The following ZFR variants were observed in gnomAD, a reference collection of about 807,000 sequenced individuals.
The protein encoded by ZFR is zinc finger RNA binding protein, also known as zinc finger RNA-binding protein.
Under a neutral mutation model 130.7 loss-of-function variants are expected in ZFR, and 19 were observed. The observed-to-expected ratio is 0.15, with a 90% CI of 0.10 to 0.21. ZFR has a LOEUF of 0.21. Ranked by LOEUF, ZFR falls within the 10% of genes least tolerant of loss-of-function variation. ZFR has a pLI of 1.00. For synonymous variants in ZFR, 466 were observed against 456.9 expected (o/e 1.02, Z -0.25); for missense variants, 872 against 1,321.5 (o/e 0.66, Z 5.27).
chr5:32,383,654 G>A (rs906332830), intron 15 of ZFR: 42 of 372,114 alleles, frequency 1.1e-4, no homozygotes, highest in Middle Eastern at 3.8e-4. Flanking sequence ...TTGTTCTTCC[G>A]GCAAAGCCTT....
Position 32,420,107 on chromosome 5 carries a change from C to A in ZFR, c.138-4G>T. 1 of 1,557,336 alleles carries A rather than the reference C, an allele frequency of 6.4e-7. No homozygotes were observed. On this transcript the variant is annotated splice_region_variant and splice_polypyrimidine_tract_variant and intron_variant, in intron 2 of 19. Transcript: ENST00000265069. ...TACACCCGAAGCTGGCTGCTGGCTACATTGTGGAGTACAAGAATAAATATA... is the reference window on the plus strand; with the variant it reads ...TACACCCGAAGCTGGCTGCTGGCTAAATTGTGGAGTACAAGAATAAATATA...
intron 7 of ZFR, 25 bp downstream of exon 7, chr5:32,403,881 G>A (rs772220622): frequency 3.2e-6 from 5 of 1,549,468 alleles, no homozygotes. Flanking sequence ...CAAGGCATAA[G>A]GGTGTGTGGG....
chr5:32,416,797 T>C (rs2111815086), intron 4 of ZFR, among the ~76,000 whole-genome samples: 1 of 152,184 alleles, frequency 6.6e-6, no homozygotes, highest in East Asian at 1.9e-4. Flanking sequence ...AAAAATCACT[T>C]GCCCACATTA....
At chr5:32,385,276 G>A (rs1162076729) in intron 15 of ZFR, among the ~76,000 whole-genome samples, 1 of 151,808 alleles carries the variant, frequency 6.6e-6, no homozygotes, top group East Asian at 1.9e-4. Flanking sequence ...AGAAAAGAAA[G>A]AAATCAAGAA....
At chr5:32,356,022 C>T in intron 19 of ZFR, 83 bp from the exon 20 acceptor site, 1 of 1,128,242 alleles carries the variant, frequency 8.9e-7, no homozygotes, top group East Asian at 2.7e-5. Flanking sequence ...CCTCCAAATG[C>T]AACCTAAAAA....
chr5:32,433,155 C>T (rs1754260035), intron 2 of ZFR, among the ~76,000 whole-genome samples: 1 of 152,120 alleles, frequency 6.6e-6, no homozygotes, highest in South Asian at 2.1e-4. Context: ...TGTTAATTTT[C>T]TTGTAATCTT....
chr5:32,436,151 T>C (rs1482615708), intron 2 of ZFR, among the ~76,000 whole-genome samples: 1 of 134,026 alleles, frequency 7.5e-6, no homozygotes, highest in Middle Eastern at 3.5e-3. Context: ...TTTTTTTTTT[T>C]TTTTTTTTTT....
intron 13 of ZFR, among the ~76,000 whole-genome samples, chr5:32,387,961 G>A (rs1396036784): frequency 6.6e-6 from 1 of 152,038 alleles, no homozygotes; most frequent in Non-Finnish European, 1.5e-5. Flanking sequence ...TATTTCACAA[G>A]TCAGAATAAT....
intron 17 of ZFR, among the ~76,000 whole-genome samples, chr5:32,375,035 A>G (rs944482323): frequency 2.6e-5 from 4 of 152,214 alleles, no homozygotes; most frequent in African/African-American, 7.2e-5. Context: ...AACATAAAAA[A>G]TTTGTTTCAC....
At chr5:32,401,714 C>T (rs1279589698) in intron 8 of ZFR, among the ~76,000 whole-genome samples, 1 of 152,048 alleles carries the variant, frequency 6.6e-6, no homozygotes, top group Non-Finnish European at 1.5e-5. Flanking sequence ...GAGCAGAAGA[C>T]TAACACAATA....
chr5:32,358,063 G>A (rs1752349183), intron 19 of ZFR, among the ~76,000 whole-genome samples: 1 of 151,984 alleles, frequency 6.6e-6, no homozygotes, highest in Admixed American at 6.6e-5. Context: ...AATTCCAAAT[G>A]AAAATTAAAA....
chr5:32,420,086 C>A lies in ZFR; in HGVS notation c.155G>T (p.Gly52Val). 6.3e-7 allele frequency: 1 copy of A among 1,580,234 alleles called. No individual in the cohort carries two copies. Among genetic ancestry groups the A allele is most frequent in the Non-Finnish European group, 8.6e-7 (1 of 1,157,872 alleles). Residue 52 changes from glycine to valine, a missense_variant, in exon 3 of 20, where the codon GGT becomes GTT. This residue lies in a region of ZFR where 240 missense variants were observed against 441.2 expected (regional missense o/e 0.54). Transcript: ENST00000265069. ...TGTAGTTGGATGAGAATAGGCTACA[C>A]CCGAAGCTGGCTGCTGGCTACATTG... is the stretch of plus-strand genomic sequence containing the variant. ...AAQYSQQPAS[G>V]VAYSHPTTVA...
chr5:32,426,121 C>T (rs1295971744), intron 2 of ZFR, among the ~76,000 whole-genome samples: 1 of 152,068 alleles, frequency 6.6e-6, no homozygotes, highest in Non-Finnish European at 1.5e-5. Context: ...AGAAACCTAG[C>T]AGAAAATTGT....
At chr5:32,432,324 T>C (rs1370459441) in intron 2 of ZFR, among the ~76,000 whole-genome samples, 1 of 152,102 alleles carries the variant, frequency 6.6e-6, no homozygotes, top group African/African-American at 2.4e-5. Context: ...AAAAATTGGG[T>C]TTACTATAAT....
chr5:32,423,376 G>A (rs1014471861), intron 2 of ZFR, among the ~76,000 whole-genome samples: 10 of 151,678 alleles, frequency 6.6e-5, no homozygotes, highest in African/African-American at 1.9e-4. Flanking sequence ...AAAATGAACA[G>A]ACAACACAAA....
chr5:32,444,457 G>T, intron 1 of ZFR, 129 bp from the exon 2 acceptor site: 1 of 1,290,580 alleles, frequency 7.7e-7, no homozygotes, highest in South Asian at 1.7e-5. Context: ...CCCAGGCCGC[G>T]GCCGCGCCGC....
intron 5 of ZFR, among the ~76,000 whole-genome samples, chr5:32,408,327 A>AC (rs1162661504): frequency 2.9e-5 from 3 of 104,380 alleles, no homozygotes; most frequent in South Asian, 3.6e-4. Context: ...AAAAAAAAAA[A>AC]AAAAAAAAAA....
Position 32,444,191 on chromosome 5 carries a change from AGCAAGGGGCGAACAGAGAGAAGG to A in ZFR, c.137+15_137+37del. On this transcript the variant is annotated intron_variant, in intron 2 of 19. Transcript: ENST00000265069. ...TCGACAGGATCCGGACCGAGGGGAGAGCAAGGGGCGAACAGAGAGAAGGCAGGATGCCGTTACCTATATTGGGC... is the reference window on the plus strand; with the variant it reads ...TCGACAGGATCCGGACCGAGGGGAGACAGGATGCCGTTACCTATATTGGGC... The A allele has an allele frequency of 6.3e-7, 1 of 1,585,852 alleles. No homozygotes were observed. The highest frequency in any genetic ancestry group is 8.6e-7 in the Non-Finnish European group (1 of 1,168,508).
chr5:32,399,916 A>T, intron 9 of ZFR, 91 bp downstream of exon 9: 1 of 1,123,678 alleles, frequency 8.9e-7, no homozygotes, highest in Non-Finnish European at 1.2e-6. Flanking sequence ...AAATACAATT[A>T]AGTATATTTA....
Sources: allele counts gnomAD v4.1 joint callset (sites outside exome capture counted in the v4.1 genomes callset), GRCh38; gene constraint gnomAD v4.1.1; regional missense constraint gnomAD v4.1.1; transcripts MANE v1.5; gene names NCBI Gene and HGNC (gene_info 2026-07-23, HGNC 2026-07-21).